Variants in ZNF562 observed in about 807,000 individuals in gnomAD.
The protein encoded by ZNF562 is zinc finger protein 562.
Under a neutral mutation model 17.5 loss-of-function variants are expected in ZNF562, and 13 were observed. That is an observed-to-expected ratio of 0.74 (90% CI 0.48 to 1.18). The LOEUF (loss-of-function observed/expected upper bound fraction) is 1.18. Among genes scored for constraint, ZNF562 ranks in the 50% most tolerant of loss-of-function variants. The pLI, the probability that ZNF562 is intolerant of heterozygous loss-of-function variation, is 0.00. For missense variants in ZNF562, 481 were observed against 498.5 expected (o/e 0.96, Z 0.33); for synonymous variants, 163 against 165.4 (o/e 0.99, Z 0.11).
At chr19:9,660,577 G>T in intron 2 of ZNF562, 143 bp downstream of exon 2, 2 of 763,584 alleles carry the variant, frequency 2.6e-6, no homozygotes, top group African/African-American at 1.8e-5. Context: ...TTGCACTTCA[G>T]CCTGGGCAAC....
chr19:9,667,924 ACT>A (rs1266284986), intron 1 of ZNF562, among the ~76,000 whole-genome samples: 7 of 152,050 alleles, frequency 4.6e-5, no homozygotes, highest in African/African-American at 4.8e-5. Context: ...AAACCTAAAG[ACT>A]CTACCAAAAA....
chr19:9,659,365 C>T lies in ZNF562; in HGVS notation c.114+14G>A, dbSNP rs1412178010. 3.2e-6 allele frequency: 5 copies of T among 1,547,602 alleles called. No homozygotes were observed. The highest frequency in any genetic ancestry group is 2.4e-5 in the East Asian group (1 of 40,888). ...AAGTATGTCATTTTGTACAACGGTA[C>T]ATTTTCTGTTTACCTGGTAAGAATT... On this transcript the variant is annotated intron_variant, in intron 3 of 5. Coordinates refer to ENST00000453372, the MANE Select transcript of ZNF562 (RefSeq NM_001130031.2).
chr19:9,648,839 T>C lies in ZNF562; in HGVS notation c.*4110A>G, dbSNP rs2074830356. The C allele has an allele frequency of 6.6e-6, 1 of 152,098 alleles. No homozygotes were observed. The highest frequency in any genetic ancestry group is 2.4e-5 in the African/African-American group (1 of 41,416). 9.4% of individuals were successfully genotyped at this position (152,098 alleles called of 1,614,324 possible). On this transcript the variant is annotated 3_prime_UTR_variant, in exon 6 of 6. Transcript: ENST00000453372. ...CATGAGCTAGGTGCAGTTCTAGGTATTGAGTTTTATCAGTAAATAAACATG... is the reference window on the plus strand; with the variant it reads ...CATGAGCTAGGTGCAGTTCTAGGTACTGAGTTTTATCAGTAAATAAACATG...
At chr19:9,656,766 C>G in intron 4 of ZNF562, 113 bp from the exon 5 acceptor site, 6 of 1,020,710 alleles carry the variant, frequency 5.9e-6, no homozygotes, top group Non-Finnish European at 8.6e-6. Flanking sequence ...GACTCAGGCC[C>G]GTAATCCCAG....
At chr19:9,658,670 A>T (rs538870675) in intron 3 of ZNF562, among the ~76,000 whole-genome samples, 16 of 152,132 alleles carry the variant, frequency 1.1e-4, no homozygotes, top group Admixed American at 2.0e-4. Context: ...TTTTAAAAAA[A>T]TTTTTAAATC....
intron 1 of ZNF562, among the ~76,000 whole-genome samples, chr19:9,672,557 A>T (rs1357636444): frequency 6.6e-6 from 1 of 152,166 alleles, no homozygotes; most frequent in Non-Finnish European, 1.5e-5. Context: ...AACTACACTT[A>T]GTCCAAACAT....
intron 5 of ZNF562, among the ~76,000 whole-genome samples, chr19:9,654,617 T>C (rs2043390542): frequency 6.6e-6 from 1 of 151,938 alleles, no homozygotes; most frequent in Admixed American, 6.6e-5. Context: ...CCCAGCTAAT[T>C]TTTGTATTTT....
Position 9,664,239 on chromosome 19 carries a change from T to C in ZNF562, c.-130-3365A>G, listed in dbSNP as rs571383933. 7.9e-5 allele frequency among the ~76,000 whole-genome samples: 12 copies of C among 152,312 alleles called. No homozygotes were observed. In the South Asian group the frequency reaches 2.3e-3, roughly 29 times the overall value. ...ATACATCACCACACCTGGCTAATTT[T>C]TGTGTTTTTAGTAGAGACTGTGTTT... is the stretch of plus-strand genomic sequence containing the variant. On this transcript the variant is annotated intron_variant, in intron 1 of 5. Transcript: ENST00000453372.
At chr19:9,655,706 T>C (rs2043443306) in intron 5 of ZNF562, among the ~76,000 whole-genome samples, 1 of 134,060 alleles carries the variant, frequency 7.5e-6, no homozygotes, top group Non-Finnish European at 1.6e-5. Context: ...AGGATTCACT[T>C]TCTTTTCTTT....
At chr19:9,665,620 T>C (rs1331337328) in intron 1 of ZNF562, among the ~76,000 whole-genome samples, 3 of 152,196 alleles carry the variant, frequency 2.0e-5, no homozygotes, top group Non-Finnish European at 2.9e-5. Context: ...CCTTCCCACA[T>C]TGCTGGAATA....
At chr19:9,671,492 C>A (rs764765633) in intron 1 of ZNF562, among the ~76,000 whole-genome samples, 3 of 152,134 alleles carry the variant, frequency 2.0e-5, no homozygotes, top group Non-Finnish European at 4.4e-5. Context: ...AGAAAAAAAA[C>A]CCAGCATGGA....
At chr19:9,665,144 C>T (rs371849119) in intron 1 of ZNF562, among the ~76,000 whole-genome samples, 1 of 151,780 alleles carries the variant, frequency 6.6e-6, no homozygotes, top group African/African-American at 2.4e-5. Flanking sequence ...ATTGCTTGAA[C>T]CTGGGAGGCG....
intron 1 of ZNF562, among the ~76,000 whole-genome samples, chr19:9,674,310 G>A (rs1375728865): frequency 6.6e-6 from 1 of 152,162 alleles, no homozygotes; most frequent in African/African-American, 2.4e-5. Flanking sequence ...ATGAGTCAGG[G>A]TGGAGCAGGT....
At chr19:9,656,406 G>C (rs1405608926) in intron 5 of ZNF562, 141 bp downstream of exon 5, 1 of 799,748 alleles carries the variant, frequency 1.3e-6, no homozygotes, top group Non-Finnish European at 2.0e-6. Context: ...CTACTCGGGA[G>C]GCTGAGGCAA....
At position 9,653,619 on chromosome 19, in the gene ZNF562, T is replaced by C; in HGVS notation, c.611A>G (p.Tyr204Cys). Residue 204 changes from tyrosine to cysteine, a missense_variant, in exon 6 of 6, where the codon TAC (tyrosine) becomes TGC (cysteine). By Grantham distance (194) the Tyr-to-Cys change is radical. Around this residue, in one of 2 missense-constraint regions of ZNF562, gnomAD observed 403 missense variants for 386.4 expected, o/e 1.04. Coordinates refer to ENST00000453372, the MANE Select transcript of ZNF562 (RefSeq NM_001130031.2). The stretch of plus-strand genomic sequence containing the variant: ...GCCTTTTCCACATTCCTTACATTTG[T>C]AGGGTTGTCTTCCATTGAGAATTTC... ...HLEILNGRQP[Y>C]KCKECGKGFK... 6.2e-7 allele frequency: 1 copy of C among 1,614,110 alleles called. No homozygotes were observed. Among genetic ancestry groups the C allele is most frequent in the Non-Finnish European group, 8.5e-7 (1 of 1,179,970 alleles).
intron 3 of ZNF562, 116 bp downstream of exon 3, chr19:9,659,263 G>T: frequency 1.1e-6 from 1 of 922,736 alleles, no homozygotes; most frequent in Non-Finnish European, 1.6e-6. Flanking sequence ...TTCAGTCCTT[G>T]AGTAAGGCTT....
intron 1 of ZNF562, among the ~76,000 whole-genome samples, chr19:9,661,087 C>G (rs534522976): frequency 2.6e-5 from 4 of 152,290 alleles, no homozygotes; most frequent in African/African-American, 9.6e-5. Flanking sequence ...TATACATGCT[C>G]ACTTAATTAT....
chr19:9,666,657 A>G (rs976913971), intron 1 of ZNF562, among the ~76,000 whole-genome samples: 2 of 152,006 alleles, frequency 1.3e-5, no homozygotes, highest in Non-Finnish European at 2.9e-5. Flanking sequence ...AGACTAAGGG[A>G]AAAAAATGAC....
rs1402086331 is a variant in ZNF562, at chr19:9,644,528, G to C, written c.*8421C>G. The C allele has an allele frequency of 1.3e-5, 2 of 152,230 alleles. No individual in the cohort carries two copies. The highest frequency in any genetic ancestry group is 1.3e-4 in the Admixed American group (2 of 15,254). 9.4% of individuals were successfully genotyped at this position (152,230 alleles called of 1,614,324 possible). A position where few individuals can be genotyped will look rare whatever the true frequency, so the allele number is the denominator to read the frequency against. Reference sequence around the variant, plus strand: ...ACTGGGTAAGTTATGAAGAAAAAGAGGTTTAATGGACTCACAGTTCCACAT... The same window carrying C: ...ACTGGGTAAGTTATGAAGAAAAAGACGTTTAATGGACTCACAGTTCCACAT... On this transcript the variant is annotated 3_prime_UTR_variant, in exon 6 of 6. Transcript: ENST00000453372.
Sources: allele counts gnomAD v4.1 joint callset (sites outside exome capture counted in the v4.1 genomes callset), GRCh38; gene constraint gnomAD v4.1.1; regional missense constraint gnomAD v4.1.1; transcripts MANE v1.5; gene names NCBI Gene and HGNC (gene_info 2026-07-23, HGNC 2026-07-21).